Variants in DOCK3 observed in about 807,000 individuals in gnomAD.
DOCK3 encodes the protein dedicator of cytokinesis 3.
A neutral mutation model predicts 265.6 loss-of-function variants in DOCK3; 60 were observed. The ratio of observed to expected loss-of-function variants is 0.23; its 90% confidence interval spans 0.18 to 0.28. The LOEUF is 0.28. Among genes scored for constraint, DOCK3 ranks in the 10% least tolerant of loss-of-function variants. The probability of loss-of-function intolerance (pLI) is 1.00; values close to 1 mark genes in which losing one functional copy is unlikely to be tolerated. For missense variants in DOCK3, 1,981 were observed against 2,594.3 expected (o/e 0.76, Z 5.14); for synonymous variants, 881 against 938.0 (o/e 0.94, Z 1.11).
intron 27 of DOCK3, among the ~76,000 whole-genome samples, chr3:51,283,260 C>T (rs2081231973): frequency 6.6e-6 from 1 of 152,314 alleles, no homozygotes; most frequent in South Asian, 2.1e-4. Context: ...ACCCCTGGCA[C>T]TGCACCATAA....
chr3:50,914,786 G>T (rs2050034009), intron 4 of DOCK3, among the ~76,000 whole-genome samples: 1 of 152,050 alleles, frequency 6.6e-6, no homozygotes, highest in African/African-American at 2.4e-5. Context: ...CGATAGTAGG[G>T]TGTTGAAATC....
chr3:51,076,877 C>T (rs1034815189), intron 7 of DOCK3, among the ~76,000 whole-genome samples: 12 of 152,112 alleles, frequency 7.9e-5, no homozygotes, highest in South Asian at 2.1e-4. Context: ...TTCATAACTT[C>T]GGCATAGAGT....
chr3:51,075,098 T>C (rs2082011825), intron 6 of DOCK3, among the ~76,000 whole-genome samples: 1 of 152,204 alleles, frequency 6.6e-6, no homozygotes, highest in African/African-American at 2.4e-5. Context: ...AGCATGCTGA[T>C]ATAATGTAAT....
chr3:51,266,942 A>C (rs1024700933), intron 23 of DOCK3, among the ~76,000 whole-genome samples: 4 of 152,232 alleles, frequency 2.6e-5, no homozygotes, highest in Non-Finnish European at 5.9e-5. Context: ...ACAAACGGCT[A>C]ATATCCAAAA....
chr3:51,218,963 C>G (rs2089943578), intron 14 of DOCK3, among the ~76,000 whole-genome samples: 1 of 152,174 alleles, frequency 6.6e-6, no homozygotes, highest in African/African-American at 2.4e-5. Flanking sequence ...CTTTGAGAAC[C>G]ATGTCATAGA....
intron 3 of DOCK3, among the ~76,000 whole-genome samples, chr3:50,849,612 C>T (rs986173802): frequency 6.6e-6 from 1 of 152,010 alleles, no homozygotes; most frequent in Non-Finnish European, 1.5e-5. Context: ...TGCCACCATG[C>T]CTGGGATACA....
intron 1 of DOCK3, among the ~76,000 whole-genome samples, chr3:50,693,623 C>A (rs952747687): frequency 6.7e-6 from 1 of 149,264 alleles, no homozygotes; most frequent in Non-Finnish European, 1.5e-5. Context: ...GCAACCTCTA[C>A]CTCCTGTGTT....
intron 5 of DOCK3, among the ~76,000 whole-genome samples, chr3:51,002,391 A>G (rs974640292): frequency 2.0e-5 from 3 of 152,094 alleles, no homozygotes; most frequent in Non-Finnish European, 4.4e-5. Flanking sequence ...CTTTGCCTAT[A>G]GTTTGTCTTT....
At chr3:51,058,899 TTACA>T (rs1298239564) in intron 5 of DOCK3, among the ~76,000 whole-genome samples, 7 of 152,116 alleles carry the variant, frequency 4.6e-5, no homozygotes, top group African/African-American at 1.4e-4. Flanking sequence ...TATAAAATAA[TTACA>T]TATATATGTA....
chr3:50,865,024 C>T (rs943294874), intron 3 of DOCK3, among the ~76,000 whole-genome samples: 4 of 151,046 alleles, frequency 2.6e-5, no homozygotes, highest in Admixed American at 1.3e-4. Flanking sequence ...TTGGGGGGTA[C>T]ATAGTAGATT....
chr3:51,096,720 G>A (rs1449693865), intron 9 of DOCK3, among the ~76,000 whole-genome samples: 15 of 152,108 alleles, frequency 9.9e-5, no homozygotes, highest in South Asian at 2.1e-4. Flanking sequence ...GAGAAGAGGC[G>A]TTCCGGTTTT....
At chr3:50,752,066 C>A (rs139913625) in intron 1 of DOCK3, among the ~76,000 whole-genome samples, 1 of 152,266 alleles carries the variant, frequency 6.6e-6, no homozygotes, top group East Asian at 1.9e-4. Context: ...TATATCACCC[C>A]AGTACCTGCA....
At chr3:51,355,280 G>T (rs2086288788) in intron 41 of DOCK3, among the ~76,000 whole-genome samples, 1 of 152,190 alleles carries the variant, frequency 6.6e-6, no homozygotes, top group African/African-American at 2.4e-5. Flanking sequence ...CCTCAGGCTG[G>T]CTGCTTCCAA....
chr3:50,753,323 A>T (rs2039953794), intron 1 of DOCK3, among the ~76,000 whole-genome samples: 1 of 152,142 alleles, frequency 6.6e-6, no homozygotes, highest in African/African-American at 2.4e-5. Context: ...ATTGCCAAAT[A>T]CTGGTGTCAC....
intron 13 of DOCK3, 63 bp from the exon 14 acceptor site, chr3:51,214,059 C>T: frequency 6.2e-7 from 1 of 1,602,852 alleles, no homozygotes; most frequent in Non-Finnish European, 8.5e-7. Flanking sequence ...GTGACTGTGT[C>T]TTTTCAAGTA....
At chr3:50,829,301 G>A (rs1308052269) in intron 2 of DOCK3, among the ~76,000 whole-genome samples, 1 of 152,118 alleles carries the variant, frequency 6.6e-6, no homozygotes, top group Non-Finnish European at 1.5e-5. Flanking sequence ...TCTTTGAAAA[G>A]TCACTGTGTT....
At chr3:50,881,614 G>A (rs938494319) in intron 3 of DOCK3, among the ~76,000 whole-genome samples, 2 of 152,180 alleles carry the variant, frequency 1.3e-5, no homozygotes, top group Admixed American at 6.5e-5. Flanking sequence ...CGAAATAAAA[G>A]AGGACACAAA....
In DOCK3 at chr3:50,695,673, A is replaced by G. The variant is rs541280200; in HGVS notation, c.37+20373A>G. 7.2e-5 allele frequency among the ~76,000 whole-genome samples: 11 copies of G among 152,330 alleles called. No individual in the cohort carries two copies. In the East Asian group the frequency reaches 1.9e-3, roughly 27 times the overall value. Reference sequence around the variant, plus strand: ...TTTGGAATGCGAGAGAGAACTTTCCACAATCCTCAGCTGTTCTGAGAGAGG... The same window carrying G: ...TTTGGAATGCGAGAGAGAACTTTCCGCAATCCTCAGCTGTTCTGAGAGAGG... On this transcript the variant is annotated intron_variant, in intron 1 of 52. Transcript: ENST00000266037.
chr3:50,979,266 A>G (rs2077604302), intron 5 of DOCK3, among the ~76,000 whole-genome samples: 1 of 151,924 alleles, frequency 6.6e-6, no homozygotes, highest in Non-Finnish European at 1.5e-5. Flanking sequence ...AGTTAAATTT[A>G]TTTCTAGGTT....
Sources: allele counts gnomAD v4.1 joint callset (sites outside exome capture counted in the v4.1 genomes callset), GRCh38; gene constraint gnomAD v4.1.1; transcripts MANE v1.5; gene names NCBI Gene and HGNC (gene_info 2026-07-23, HGNC 2026-07-21).